Variants in TMEM232 observed in about 807,000 individuals in gnomAD.
The protein encoded by TMEM232 is transmembrane protein 232.
In TMEM232, 80 loss-of-function variants were observed where a neutral mutation model predicts 78.8. The observed-to-expected ratio is 1.01, with a 90% CI of 0.85 to 1.22. The LOEUF (loss-of-function observed/expected upper bound fraction) is 1.22. Among genes scored for constraint, TMEM232 ranks in the 50% most tolerant of loss-of-function variants. The pLI, the probability that TMEM232 is intolerant of heterozygous loss-of-function variation, is 0.00. For missense variants in TMEM232, 881 were observed against 742.2 expected, an observed-to-expected ratio of 1.19 and a Z score of -2.17; for synonymous variants, 297 against 254.3, an observed-to-expected ratio of 1.17 and a Z score of -1.60.
intron 12 of TMEM232, among the ~76,000 whole-genome samples, chr5:110,506,005 T>A (rs1389753785): frequency 6.6e-6 from 1 of 152,210 alleles, no homozygotes; most frequent in Non-Finnish European, 1.5e-5. Flanking sequence ...GACTCGCATA[T>A]CTAATTCTTT....
chr5:110,689,127 G>A (rs190822749), intron 1 of TMEM232, among the ~76,000 whole-genome samples: 225 of 152,122 alleles, frequency 1.5e-3, no homozygotes, highest in Admixed American at 4.6e-3. Context: ...TATCCCAGGC[G>A]CATCCTTAAC....
intron 12 of TMEM232, among the ~76,000 whole-genome samples, chr5:110,465,565 CAA>C (rs2149362983): frequency 2.6e-5 from 4 of 152,178 alleles, no homozygotes; most frequent in African/African-American, 9.6e-5. Context: ...TATTTAGACT[CAA>C]TATTTTGGTA....
In TMEM232 at chr5:110,606,152, T is replaced by C; in HGVS notation, c.1026+12A>G. On this transcript the variant is annotated intron_variant, in intron 9 of 13. Transcript: ENST00000455884. ...TTCGGTTCTCTTTTCACATATAAATTAGCAATGTTACCTGATTTTGAACAG... is the reference window on the plus strand; with the variant it reads ...TTCGGTTCTCTTTTCACATATAAATCAGCAATGTTACCTGATTTTGAACAG... 1 of 1,530,866 alleles carries C rather than the reference T, an allele frequency of 6.5e-7. No individual in the cohort carries two copies. The highest frequency in any genetic ancestry group is 8.8e-7 in the Non-Finnish European group (1 of 1,134,670). The allele number at this position is 1,530,866 out of a possible 1,614,324, so 94.8% of individuals were successfully genotyped here. A position where few individuals can be genotyped will look rare whatever the true frequency, so the allele number is the denominator to read the frequency against.
intron 10 of TMEM232, among the ~76,000 whole-genome samples, chr5:110,595,240 G>A (rs1392746481): frequency 6.6e-6 from 1 of 152,086 alleles, no homozygotes. Context: ...TCAACTAAAA[G>A]GACACCCACT....
chr5:110,581,692 C>A (rs920465244), intron 10 of TMEM232, among the ~76,000 whole-genome samples: 1 of 151,736 alleles, frequency 6.6e-6, no homozygotes, highest in African/African-American at 2.4e-5. Context: ...AGCTTCTGCA[C>A]AGTCAAAGGA....
At chr5:110,574,548 G>A (rs1231498791) in intron 10 of TMEM232, among the ~76,000 whole-genome samples, 1 of 151,946 alleles carries the variant, frequency 6.6e-6, no homozygotes, top group South Asian at 2.1e-4. Context: ...GGGTGGCTTG[G>A]GCCACACTCT....
chr5:110,735,869 AG>A (rs994586127), intron 1 of TMEM232, among the ~76,000 whole-genome samples: 10 of 152,234 alleles, frequency 6.6e-5, no homozygotes, highest in African/African-American at 2.4e-4. Flanking sequence ...AGATCTTAGA[AG>A]GGGATCCTCC....
In TMEM232 at chr5:110,463,912, G is replaced by T. The variant is rs145978971; in HGVS notation, c.1704-38996C>A. Among the ~76,000 whole-genome samples, 365 of 152,198 alleles carry T rather than the reference G, an allele frequency of 2.4e-3. 9 individuals carry two copies. Among genetic ancestry groups the T allele is most frequent in the Admixed American group, 0.02 (313 of 15,284 alleles). On this transcript the variant is annotated intron_variant, in intron 12 of 13. Transcript: ENST00000455884. ...GGCCTTATTTCTACCCCTTACACAGGCCAGGCTGAATACTTTTCACCTGGA... is the reference window on the plus strand; with the variant it reads ...GGCCTTATTTCTACCCCTTACACAGTCCAGGCTGAATACTTTTCACCTGGA...
At chr5:110,628,736 A>G (rs867573924) in intron 5 of TMEM232, among the ~76,000 whole-genome samples, 4 of 151,504 alleles carry the variant, frequency 2.6e-5, no homozygotes, top group East Asian at 3.9e-4. Context: ...GCAGGGTATC[A>G]TGTAATGATA....
At chr5:110,612,421 C>T (rs1025709204) in intron 8 of TMEM232, among the ~76,000 whole-genome samples, 23 of 152,136 alleles carry the variant, frequency 1.5e-4, no homozygotes, top group Admixed American at 1.0e-3. Flanking sequence ...AAACAAACAA[C>T]GAAAACCTAC....
rs141520265 is a variant in TMEM232 at position 110,409,622 on chromosome 5, A to G, written n.309-11768T>C. The stretch of plus-strand genomic sequence containing the variant: ...ACTCTTTTCAAAATGCCTGATTTCA[A>G]GAAAGCCCTTAGAGATAACTTTCTA... On this transcript the variant is annotated intron_variant and non_coding_transcript_variant, in intron 2 of 8. Transcript: ENST00000507188. Among the ~76,000 whole-genome samples the G allele has an allele frequency of 3.5e-4, 53 of 152,294 alleles. 2 individuals are homozygous for G. In the East Asian group the frequency reaches 7.1e-3, roughly 21 times the overall value.
intron 10 of TMEM232, among the ~76,000 whole-genome samples, chr5:110,581,916 T>C (rs147737880): frequency 6.6e-6 from 1 of 151,838 alleles, no homozygotes; most frequent in East Asian, 1.9e-4. Flanking sequence ...AAGTCCAACA[T>C]CTCTAGTCAT....
At chr5:110,688,194 T>C (rs1312813855) in intron 1 of TMEM232, among the ~76,000 whole-genome samples, 1 of 152,138 alleles carries the variant, frequency 6.6e-6, no homozygotes, top group Non-Finnish European at 1.5e-5. Flanking sequence ...AAGATAAATG[T>C]AGAATTTCAT....
intron 11 of TMEM232, among the ~76,000 whole-genome samples, chr5:110,558,121 T>C (rs191867346): frequency 2.8e-4 from 43 of 152,192 alleles, no homozygotes; most frequent in African/African-American, 1.0e-3. Flanking sequence ...ACCATGCTCA[T>C]GCCTTTGTTC....
chr5:110,631,618 C>T (rs1478060878), intron 5 of TMEM232, among the ~76,000 whole-genome samples: 1 of 152,198 alleles, frequency 6.6e-6, no homozygotes, highest in Admixed American at 6.5e-5. Flanking sequence ...ATAGTGACCA[C>T]ACTCCCACTG....
intron 10 of TMEM232, among the ~76,000 whole-genome samples, chr5:110,577,669 T>C (rs1777719642): frequency 6.6e-6 from 1 of 151,998 alleles, no homozygotes. Context: ...GGTACACACA[T>C]GCCATGGAAT....
At chr5:110,653,017 T>G (rs1316841003) in intron 2 of TMEM232, among the ~76,000 whole-genome samples, 1 of 152,230 alleles carries the variant, frequency 6.6e-6, no homozygotes, top group Non-Finnish European at 1.5e-5. Flanking sequence ...TGTGAATATC[T>G]GTGAACTTTT....
chr5:110,509,805 A>C (rs1767502709), intron 12 of TMEM232, among the ~76,000 whole-genome samples: 1 of 152,184 alleles, frequency 6.6e-6, no homozygotes, highest in South Asian at 2.1e-4. Context: ...ATGAAAAATG[A>C]AGATTCTATC....
intron 1 of TMEM232, among the ~76,000 whole-genome samples, chr5:110,712,672 T>C (rs948386279): frequency 6.6e-6 from 1 of 152,172 alleles, no homozygotes; most frequent in African/African-American, 2.4e-5. Flanking sequence ...TATCAGAATA[T>C]ATAAATATTG....
Sources: gnomAD v4.1 joint callset for allele counts (sites outside exome capture counted in the v4.1 genomes callset) on GRCh38, gnomAD v4.1.1 for gene constraint, MANE v1.5 for transcripts, NCBI Gene and HGNC (gene_info 2026-07-23, HGNC 2026-07-21) for gene names.